NFIA: variants seen among roughly 807,000 people sequenced by gnomAD.
NFIA encodes the protein nuclear factor 1 A-type.
A neutral mutation model predicts 62.8 loss-of-function variants in NFIA; 8 were observed. That is an observed-to-expected ratio of 0.13 (90% CI 0.07 to 0.23). The LOEUF (loss-of-function observed/expected upper bound fraction) is 0.23. NFIA is among the 10% of genes least tolerant of loss of function. The pLI, the probability that NFIA is intolerant of heterozygous loss-of-function variation, is 1.00. For missense variants in NFIA, 410 were observed against 642.1 expected (o/e 0.64, Z 3.91); for synonymous variants, 235 against 238.1 (o/e 0.99, Z 0.12).
chr1:61,100,307 T>C (rs974512604), intron 2 of NFIA, among the ~76,000 whole-genome samples: 1 of 152,110 alleles, frequency 6.6e-6, no homozygotes. Context: ...GTGCGGATGC[T>C]CTTTGGGTGG....
intron 2 of NFIA, among the ~76,000 whole-genome samples, chr1:61,265,259 AC>A (rs1657087031): frequency 1.3e-5 from 2 of 152,220 alleles, no homozygotes; most frequent in Admixed American, 6.5e-5. Flanking sequence ...CGAGATTAGC[AC>A]CATGTGAAGA....
chr1:61,162,609 T>C (rs1649291503), intron 2 of NFIA, among the ~76,000 whole-genome samples: 2 of 152,190 alleles, frequency 1.3e-5, no homozygotes, highest in Non-Finnish European at 2.9e-5. Context: ...TCTATCATGA[T>C]AGATTATGCT....
At position 61,258,320 on chromosome 1, in the gene NFIA, A is replaced by G. The variant is rs1328277503; in HGVS notation, c.560-19200A>G. On this transcript the variant is annotated intron_variant, in intron 2 of 10. Coordinates refer to ENST00000403491, the MANE Select transcript of NFIA (RefSeq NM_001134673.4). ...GAGATAGGGTGTGGAAACAGGCTAC[A>G]TGTTGGAGTTTGTTGCCAGCCTGAC... is the stretch of plus-strand genomic sequence containing the variant. Among the ~76,000 whole-genome samples the G allele has an allele frequency of 3.3e-5, 5 of 152,330 alleles. No individual in the cohort carries two copies. The East Asian group carries it at 5.8e-4, about 18-fold the overall frequency.
chr1:61,283,688 CA>C (rs1253065867), intron 3 of NFIA, among the ~76,000 whole-genome samples: 4 of 144,656 alleles, frequency 2.8e-5, no homozygotes, highest in Non-Finnish European at 3.0e-5. Flanking sequence ...TTTTGATGAA[CA>C]TTTTTTTATC....
intron 3 of NFIA, among the ~76,000 whole-genome samples, chr1:61,284,337 C>T (rs961875496): frequency 2.0e-5 from 3 of 152,168 alleles, no homozygotes; most frequent in African/African-American, 7.2e-5. Flanking sequence ...AAATTTCATT[C>T]TGAAACTAGG....
At chr1:61,212,651 A>G (rs1300650172) in intron 2 of NFIA, among the ~76,000 whole-genome samples, 1 of 152,192 alleles carries the variant, frequency 6.6e-6, no homozygotes, top group African/African-American at 2.4e-5. Context: ...CCTTATTGAT[A>G]AAAGAGAACT....
intron 7 of NFIA, among the ~76,000 whole-genome samples, chr1:61,388,796 A>G (rs970828040): frequency 3.9e-5 from 6 of 152,190 alleles, no homozygotes; most frequent in African/African-American, 7.2e-5. Flanking sequence ...TTAAGAAAAT[A>G]AGGAGTCACA....
Position 61,426,498 on chromosome 1 carries a change from G to A in NFIA, c.1454G>A (p.Arg485Gln), listed in dbSNP as rs1314062406. 8 of 1,551,864 alleles carry A rather than the reference G, an allele frequency of 5.2e-6. No homozygotes were observed. Among genetic ancestry groups the A allele is most frequent in the African/African-American group, 2.7e-5 (2 of 72,978 alleles). The change falls in exon 10 of 11, where the codon CGA (arginine) becomes CAA (glutamine). Residue 485 changes from arginine (R) to glutamine (Q), a missense_variant. Transcript: ENST00000403491. ...YSTPSTSPANRFVSVGPRDPS... is the reference protein window; with the variant it reads ...YSTPSTSPANQFVSVGPRDPS... ...ACACCCAGCACCTCCCCCGCAAACC[G>A]ATTCGTCAGTGTTGGACCACGGGAT...
At chr1:61,155,530 G>A (rs1045294647) in intron 2 of NFIA, among the ~76,000 whole-genome samples, 17 of 151,672 alleles carry the variant, frequency 1.1e-4, no homozygotes, top group African/African-American at 2.4e-4. Flanking sequence ...AAAATTAGCC[G>A]GGCGCGGTGG....
chr1:61,101,705 C>T (rs975507253), intron 2 of NFIA, among the ~76,000 whole-genome samples: 1 of 152,066 alleles, frequency 6.6e-6, no homozygotes, highest in African/African-American at 2.4e-5. Flanking sequence ...TTAGCAGTCT[C>T]GAGACTTTTA....
intron 2 of NFIA, among the ~76,000 whole-genome samples, chr1:61,197,212 A>G (rs1487420335): frequency 1.4e-5 from 2 of 146,782 alleles, no homozygotes; most frequent in Non-Finnish European, 3.0e-5. Flanking sequence ...GCAGTTTGGC[A>G]TGCTTATTTA....
chr1:61,195,954 G>C (rs1364920477), intron 2 of NFIA, among the ~76,000 whole-genome samples: 2 of 152,102 alleles, frequency 1.3e-5, no homozygotes, highest in East Asian at 1.9e-4. Flanking sequence ...CTGTACCATA[G>C]ATTTGATCTT....
chr1:61,165,652 T>C (rs548934810), intron 2 of NFIA, among the ~76,000 whole-genome samples: 5 of 152,326 alleles, frequency 3.3e-5, no homozygotes, highest in African/African-American at 1.2e-4. Context: ...AGTCATCACA[T>C]GTAGATAAAT....
chr1:61,221,257 G>T (rs1206727932), intron 2 of NFIA, among the ~76,000 whole-genome samples: 1 of 152,078 alleles, frequency 6.6e-6, no homozygotes, highest in African/African-American at 2.4e-5. Flanking sequence ...TATTGAGGAA[G>T]AGGTGCTATC....
intron 2 of NFIA, among the ~76,000 whole-genome samples, chr1:61,102,329 T>TTA (rs1260925013): frequency 6.6e-6 from 1 of 152,208 alleles, no homozygotes; most frequent in East Asian, 1.9e-4. Context: ...GAAAACCATG[T>TTA]TGCTTCATAT....
At chr1:61,111,323 C>G (rs923737530) in intron 2 of NFIA, among the ~76,000 whole-genome samples, 4 of 152,106 alleles carry the variant, frequency 2.6e-5, no homozygotes, top group African/African-American at 9.7e-5. Flanking sequence ...ACTGAGCACT[C>G]AGATCTTCAG....
chr1:61,235,229 G>A (rs866710044), intron 2 of NFIA, among the ~76,000 whole-genome samples: 15 of 152,142 alleles, frequency 9.9e-5, no homozygotes, highest in Admixed American at 2.0e-4. Context: ...TTGGGAGGCC[G>A]AGGCGTGTGG....
intron 2 of NFIA, among the ~76,000 whole-genome samples, chr1:61,093,790 A>C (rs923151797): frequency 5.3e-5 from 8 of 152,364 alleles, no homozygotes; most frequent in African/African-American, 1.9e-4. Flanking sequence ...TGTGTTGGTA[A>C]GAAAATTTCC....
chr1:61,238,471 G>T (rs1329263097), intron 2 of NFIA, among the ~76,000 whole-genome samples: 6 of 152,096 alleles, frequency 3.9e-5, no homozygotes, highest in African/African-American at 1.4e-4. Context: ...TTGTTCCCTT[G>T]TCTCCTGTAC....
Sources: allele counts gnomAD v4.1 joint callset (sites outside exome capture counted in the v4.1 genomes callset), GRCh38; gene constraint gnomAD v4.1.1; transcripts MANE v1.5; gene names NCBI Gene and HGNC (gene_info 2026-07-23, HGNC 2026-07-21).